The following FOXP2 variants were observed in gnomAD, a reference collection of about 807,000 sequenced individuals.
The protein encoded by FOXP2 is forkhead box P2.
In FOXP2, 12 loss-of-function variants were observed where a neutral mutation model predicts 115.8. The observed-to-expected ratio is 0.10, with a 90% CI of 0.07 to 0.17. The LOEUF (loss-of-function observed/expected upper bound fraction) is 0.17. FOXP2 is among the 10% of genes least tolerant of loss of function. The pLI, the probability that FOXP2 is intolerant of heterozygous loss-of-function variation, is 1.00. For missense variants in FOXP2, 629 were observed against 843.5 expected (o/e 0.75, Z 3.15); for synonymous variants, 328 against 297.7 (o/e 1.10, Z -1.05).
intron 2 of FOXP2, chr7:114,297,054 ATTT>A: frequency 1.5e-5 from 5 of 335,840 alleles, no homozygotes; most frequent in South Asian, 2.6e-5. Flanking sequence ...CACTATATGC[ATTT>A]TTTTTTTTCC....
chr7:114,598,166 A>T (rs529728624), intron 3 of FOXP2, among the ~76,000 whole-genome samples: 2 of 152,202 alleles, frequency 1.3e-5, no homozygotes, highest in African/African-American at 4.8e-5. Context: ...CCTAAGAAAA[A>T]GGGATTGTTA....
intron 2 of FOXP2, among the ~76,000 whole-genome samples, chr7:114,400,138 G>T (rs1562904730): frequency 6.6e-6 from 1 of 152,102 alleles, no homozygotes; most frequent in Non-Finnish European, 1.5e-5. Flanking sequence ...GATTACAGGT[G>T]TGAGCCACTG....
At chr7:114,296,724 C>T (rs967445303) in intron 2 of FOXP2, among the ~76,000 whole-genome samples, 5 of 152,070 alleles carry the variant, frequency 3.3e-5, no homozygotes, top group African/African-American at 4.8e-5. Context: ...ATATTTTGAA[C>T]ATCTGATGCA....
chr7:114,142,055 G>T (rs564052546), intron 1 of FOXP2, among the ~76,000 whole-genome samples: 1 of 151,654 alleles, frequency 6.6e-6, no homozygotes, highest in African/African-American at 2.4e-5. Flanking sequence ...ACTGAGTCTC[G>T]CTCTGTCGCC....
rs772505855 is a variant in FOXP2 at position 114,658,059 on chromosome 7, T to G, written c.1267-7T>G. On this transcript the variant is annotated splice_polypyrimidine_tract_variant and splice_region_variant and intron_variant, in intron 10 of 16. Transcript: ENST00000350908. ...CTTTTTCCTGCCCTTCTCTTGGGCC[T>G]TTGCAGCTAAATCTGGTGTCTAGTG... The G allele has an allele frequency of 4.3e-6, 7 of 1,613,816 alleles. No individual in the cohort carries two copies. The South Asian group carries it at 7.7e-5, about 18-fold the overall frequency.
At chr7:114,650,911 GGCAAAACAAAGGTTTCTGATT>G (rs1270858292) in intron 8 of FOXP2, among the ~76,000 whole-genome samples, 1 of 151,970 alleles carries the variant, frequency 6.6e-6, no homozygotes, top group African/African-American at 2.4e-5. Context: ...TCAAGGTATA[GGCAAAACAAAGGTTTCTGATT>G]GTTGAACCTA....
intron 1 of FOXP2, among the ~76,000 whole-genome samples, chr7:114,235,834 T>A (rs1794994249): frequency 6.6e-6 from 1 of 152,230 alleles, no homozygotes. Context: ...ACCTATTAGT[T>A]GTTCATTCTC....
At chr7:114,626,215 C>G (rs1188066495) in intron 3 of FOXP2, among the ~76,000 whole-genome samples, 1 of 150,800 alleles carries the variant, frequency 6.6e-6, no homozygotes, top group Non-Finnish European at 1.5e-5. Flanking sequence ...ACTAGTATAC[C>G]CTAAAGAATA....
intron 1 of FOXP2, among the ~76,000 whole-genome samples, chr7:114,287,671 C>T (rs552053129): frequency 1.1e-4 from 16 of 151,882 alleles, no homozygotes; most frequent in African/African-American, 1.7e-4. Context: ...AAATTGGAGA[C>T]GCAAATAATT....
chr7:114,201,450 A>T (rs1172593594), intron 1 of FOXP2, among the ~76,000 whole-genome samples: 1 of 152,228 alleles, frequency 6.6e-6, no homozygotes, highest in Non-Finnish European at 1.5e-5. Context: ...CAACAGAGTG[A>T]GACCCTGTCT....
chr7:114,443,794 T>C (rs1794712928), intron 2 of FOXP2, among the ~76,000 whole-genome samples: 2 of 152,202 alleles, frequency 1.3e-5, no homozygotes, highest in Admixed American at 1.3e-4. Flanking sequence ...TGTGTGTATG[T>C]ACCACATTTT....
At chr7:114,672,217 C>T (rs1488077113) in intron 16 of FOXP2, among the ~76,000 whole-genome samples, 4 of 152,182 alleles carry the variant, frequency 2.6e-5, no homozygotes, top group African/African-American at 9.7e-5. Flanking sequence ...ATATTTGCAA[C>T]ATTAAATCTG....
intron 2 of FOXP2, among the ~76,000 whole-genome samples, chr7:114,500,720 G>A (rs1474743859): frequency 2.0e-5 from 3 of 152,090 alleles, no homozygotes; most frequent in Non-Finnish European, 4.4e-5. Context: ...TGGAACATAA[G>A]CCTCTTTACT....
chr7:114,140,247 G>A (rs1279817159), intron 1 of FOXP2, among the ~76,000 whole-genome samples: 1 of 152,026 alleles, frequency 6.6e-6, no homozygotes, highest in Non-Finnish European at 1.5e-5. Flanking sequence ...GAGCCCAACT[G>A]ACAATGAGCT....
intron 1 of FOXP2, among the ~76,000 whole-genome samples, chr7:114,223,354 G>C (rs1326513526): frequency 1.3e-5 from 2 of 151,590 alleles, no homozygotes; most frequent in Non-Finnish European, 2.9e-5. Flanking sequence ...TTACTAATCA[G>C]GTTGATCAGC....
chr7:114,290,755 T>C (rs1251330508), intron 2 of FOXP2, among the ~76,000 whole-genome samples: 4 of 152,058 alleles, frequency 2.6e-5, no homozygotes, highest in Non-Finnish European at 5.9e-5. Context: ...GTTTGAATGA[T>C]AGTTCCAATA....
intron 1 of FOXP2, among the ~76,000 whole-genome samples, chr7:114,108,694 A>G (rs1367137293): frequency 1.3e-4 from 20 of 151,962 alleles, no homozygotes; most frequent in Non-Finnish European, 1.5e-5. Context: ...AGCAATCATA[A>G]TAGTTTCCTA....
chr7:114,632,353 G>A (rs894910433), intron 6 of FOXP2, among the ~76,000 whole-genome samples: 1 of 152,126 alleles, frequency 6.6e-6, no homozygotes, highest in Non-Finnish European at 1.5e-5. Flanking sequence ...ATACAATTGT[G>A]TGTCATATTC....
chr7:114,496,913 G>T (rs1797347248), intron 2 of FOXP2, among the ~76,000 whole-genome samples: 1 of 152,076 alleles, frequency 6.6e-6, no homozygotes, highest in African/African-American at 2.4e-5. Context: ...CAGCTCAGTG[G>T]ACTTACTAAA....
Sources: gnomAD v4.1 joint callset for allele counts (sites outside exome capture counted in the v4.1 genomes callset) on GRCh38, gnomAD v4.1.1 for gene constraint, MANE v1.5 for transcripts, NCBI Gene and HGNC (gene_info 2026-07-23, HGNC 2026-07-21) for gene names.